Variants in ASAH1 observed in about 807,000 individuals in gnomAD.
ASAH1 encodes N-acylsphingosine amidohydrolase 1, also known as acid ceramidase.
In ASAH1, 70 loss-of-function variants were observed where a neutral mutation model predicts 59.5. The ratio of observed to expected loss-of-function variants is 1.18; its 90% CI spans 0.97 to 1.43. ASAH1 has a LOEUF of 1.43. ASAH1 is among the 40% of genes most tolerant of loss of function. The pLI is 0.00. For missense variants in ASAH1, 660 were observed against 482.5 expected (o/e 1.37, Z -3.45); for synonymous variants, 213 against 166.5 (o/e 1.28, Z -2.15).
rs1485837420 is a variant in ASAH1, at chr8:18,057,411, T to C, written c.*123A>G. On this transcript the variant is annotated 3_prime_UTR_variant, in exon 14 of 14. Transcript: ENST00000637790. The stretch of plus-strand genomic sequence containing the variant: ...TCAACAGATGGACGAAGACAAGCTA[T>C]TGACTCAAAGAGAACCTGCCGCGAG... The C allele has an allele frequency of 4.5e-6, 3 of 669,662 alleles. No individual in the cohort carries two copies. The highest frequency in any genetic ancestry group is 5.4e-6 in the Non-Finnish European group (2 of 372,988). 41.5% of individuals were successfully genotyped at this position (669,662 alleles called of 1,614,324 possible).
chr8:18,064,138 C>CG, intron 6 of ASAH1: 1 of 502,242 alleles, frequency 2.0e-6, no homozygotes, highest in Admixed American at 3.7e-5. Flanking sequence ...GATAAGGAAG[C>CG]ACCTCCTGCG....
chr8:18,073,363 C>T (rs1231820819), intron 2 of ASAH1: 5 of 1,216,420 alleles, frequency 4.1e-6, no homozygotes, highest in Non-Finnish European at 4.7e-6. Flanking sequence ...TTTCCTACTT[C>T]ACTGCAAACA....
rs138389143 is a variant in ASAH1, at chr8:18,083,599, T to C, written c.78+382A>G. On this transcript the variant is annotated intron_variant, in intron 1 of 13. Coordinates refer to ENST00000637790, the MANE Select transcript of ASAH1 (RefSeq NM_177924.5). ...TTCTTCGGGAGAAAGCACCTGACCA[T>C]CAGGCAGTCTGTCCTTGATTGAGTA... 4.2e-4 allele frequency among the ~76,000 whole-genome samples: 64 copies of C among 152,350 alleles called. 1 individual carries two copies. Among genetic ancestry groups the C allele is most frequent in the Non-Finnish European group, 3.1e-4 (21 of 68,032 alleles).
rs746513660 is a variant in ASAH1 at position 18,057,547 on chromosome 8, C to T, written c.1175G>A (p.Cys392Tyr). The T allele has an allele frequency of 4.4e-6, 7 of 1,600,022 alleles. No homozygotes were observed. The highest frequency in any genetic ancestry group is 5.1e-6 in the Non-Finnish European group (6 of 1,170,708). Residue 392 changes from cysteine to tyrosine, a missense_variant, in exon 14 of 14, where the codon TGT becomes TAT. Physicochemically the swap from Cys to Tyr is radical, Grantham distance 194. Transcript: ENST00000637790. Reference protein sequence around the residue: ...ETYLRDCPDPCIGW With the variant: ...ETYLRDCPDPYIGW ...CCAGACGTGTGCTCACCAACCTATA[C>T]AAGGGTCAGGGCAGTCCCGCAGGTA...
At chr8:18,080,192 T>G (rs889657841) in intron 1 of ASAH1, among the ~76,000 whole-genome samples, 1 of 152,228 alleles carries the variant, frequency 6.6e-6, no homozygotes, top group African/African-American at 2.4e-5. Context: ...TAAAGCTGAT[T>G]CAATAGCTAA....
At chr8:18,058,657 TTC>T (rs1799565856) in intron 13 of ASAH1, 176 bp downstream of exon 13, 1 of 623,950 alleles carries the variant, frequency 1.6e-6, no homozygotes, top group East Asian at 2.7e-5. Context: ...AGTGATCAAT[TTC>T]TTTCTTGTAT....
intron 2 of ASAH1, among the ~76,000 whole-genome samples, chr8:18,075,150 C>T (rs1170688759): frequency 4.0e-5 from 6 of 151,868 alleles, no homozygotes; most frequent in African/African-American, 9.7e-5. Flanking sequence ...CGCCCGCCAC[C>T]ACGCCTGGCT....
chr8:18,078,660 GTTAT>G (rs1564552655), intron 1 of ASAH1, among the ~76,000 whole-genome samples: 1 of 152,122 alleles, frequency 6.6e-6, no homozygotes, highest in Non-Finnish European at 1.5e-5. Context: ...CTTACTTAAT[GTTAT>G]TTAAAGTTCC....
chr8:18,057,453 G>T lies in ASAH1; in HGVS notation c.*81C>A. 1 of 1,135,498 alleles carries T rather than the reference G, an allele frequency of 8.8e-7. No individual in the cohort carries two copies. 70.3% of individuals were successfully genotyped at this position (1,135,498 alleles called of 1,614,324 possible). A position where few individuals can be genotyped will look rare whatever the true frequency, so the allele number is the denominator to read the frequency against. On this transcript the variant is annotated 3_prime_UTR_variant, in exon 14 of 14. Coordinates refer to ENST00000637790, the MANE Select transcript of ASAH1 (RefSeq NM_177924.5). The stretch of plus-strand genomic sequence containing the variant: ...TGCCGCGAGTCTTAGTCTTTGGAAG[G>T]TCAGACAGCTGCAGTGTTCGGTCAC...
At chr8:18,083,072 A>C (rs1280419824) in intron 1 of ASAH1, 1 of 152,184 alleles carries the variant, frequency 6.6e-6, no homozygotes, top group Non-Finnish European at 1.5e-5. Flanking sequence ...TTCTCCTTAC[A>C]GGTATAAAAG....
intron 4 of ASAH1, chr8:18,067,977 T>G (rs780679477): frequency 2.0e-5 from 3 of 152,214 alleles, no homozygotes; most frequent in Admixed American, 6.5e-5. Context: ...ACTTGGTAAT[T>G]ACATGTAATG....
In ASAH1 at chr8:18,057,312, A is replaced by T. The variant is rs529468227; in HGVS notation, c.*222T>A. 631 of 369,584 alleles carry T rather than the reference A, an allele frequency of 1.7e-3. No individual in the cohort carries two copies. Among genetic ancestry groups the T allele is most frequent in the Non-Finnish European group, 2.9e-3 (557 of 190,078 alleles). 22.9% of individuals were successfully genotyped at this position (369,584 alleles called of 1,614,324 possible). Reference sequence around the variant, plus strand: ...TCAGTGAATTCTAGATGACTGTTTTACTTCCCCTAAAGAAGTTATCTGTAA... The same window carrying T: ...TCAGTGAATTCTAGATGACTGTTTTTCTTCCCCTAAAGAAGTTATCTGTAA... On this transcript the variant is annotated 3_prime_UTR_variant, in exon 14 of 14. Coordinates refer to ENST00000637790, the MANE Select transcript of ASAH1 (RefSeq NM_177924.5).
intron 4 of ASAH1, among the ~76,000 whole-genome samples, chr8:18,069,282 G>A (rs1004648575): frequency 2.0e-5 from 3 of 151,998 alleles, no homozygotes; most frequent in Admixed American, 1.3e-4. Context: ...AACAAAAACG[G>A]GGCTGAGAAA....
chr8:18,073,315 G>C, intron 2 of ASAH1: 1 of 1,545,904 alleles, frequency 6.5e-7, no homozygotes, highest in Non-Finnish European at 8.8e-7. Flanking sequence ...ACACTTAGCA[G>C]CATTGGTATT....
chr8:18,059,675 T>C lies in ASAH1; in HGVS notation c.814A>G (p.Lys272Glu), dbSNP rs1380347230. 6.2e-6 allele frequency: 10 copies of C among 1,614,090 alleles called. No individual in the cohort carries two copies. The highest frequency in any genetic ancestry group is 8.5e-6 in the Non-Finnish European group (10 of 1,180,028). Residue 272 changes from lysine (K) to glutamate (E), a missense_variant, in exon 11 of 14, where the codon AAG becomes GAG. Lys to Glu is a moderately conservative substitution (Grantham distance 56). Transcript: ENST00000637790. ...TAGGCTGGGGCCAATATCTTGGTCT[T>C]GGTCAATAAATTCTTGGCTTCTTCA... ...SYEEAKNLLT[K>E]TKILAPAYFI... is the part of the protein sequence containing the mutation.
chr8:18,083,622 G>C (rs550117011), intron 1 of ASAH1, among the ~76,000 whole-genome samples: 2 of 152,328 alleles, frequency 1.3e-5, no homozygotes, highest in East Asian at 3.9e-4. Flanking sequence ...CCTTGATTGA[G>C]TAATGCACAC....
chr8:18,058,743 T>G, intron 13 of ASAH1, 92 bp downstream of exon 13: 9 of 1,177,388 alleles, frequency 7.6e-6, no homozygotes, highest in Non-Finnish European at 1.1e-5. Flanking sequence ...ACACCTTTTG[T>G]GCTCAAACTG....
chr8:18,077,393 C>T (rs796443208), intron 1 of ASAH1, among the ~76,000 whole-genome samples: 2 of 152,314 alleles, frequency 1.3e-5, no homozygotes, highest in African/African-American at 4.8e-5. Context: ...TTTTATAGAT[C>T]TTAGCAGATT....
At chr8:18,075,048 T>C (rs955954943) in intron 2 of ASAH1, among the ~76,000 whole-genome samples, 3 of 144,414 alleles carry the variant, frequency 2.1e-5, no homozygotes, top group African/African-American at 5.2e-5. Context: ...CAGACTGGAG[T>C]GCAGTGGTGC....
Sources: gnomAD v4.1 joint callset for allele counts (sites outside exome capture counted in the v4.1 genomes callset) on GRCh38, gnomAD v4.1.1 for gene constraint, MANE v1.5 for transcripts, NCBI Gene and HGNC (gene_info 2026-07-23, HGNC 2026-07-21) for gene names.